The following LRCH2 variants were observed in gnomAD, a reference collection of about 807,000 sequenced individuals.
The protein encoded by LRCH2 is leucine-rich repeat and calponin homology domain-containing protein 2.
Under a neutral mutation model 68.9 loss-of-function variants are expected in LRCH2, and 38 were observed. The ratio of observed to expected loss-of-function variants is 0.55; its 90% CI spans 0.43 to 0.72. LRCH2 has a LOEUF of 0.72. LRCH2 is among the 30% of genes least tolerant of loss of function. The pLI is 0.00. For synonymous variants in LRCH2, 191 were observed against 208.1 expected (o/e 0.92, Z 0.71); for missense variants, 528 against 572.9 (o/e 0.92, Z 0.80).
At chrX:115,228,916 A>C (rs985835200) in intron 1 of LRCH2, among the ~76,000 whole-genome samples, 1 of 111,098 alleles carries the variant, frequency 9.0e-6, no homozygotes, top group Non-Finnish European at 1.9e-5. Context: ...TTTGAATACT[A>C]TTATATATTA....
rs2147335793 is a variant in LRCH2, at chrX:115,112,456, C to A, written c.*760G>T. 8.9e-6 allele frequency: 1 copy of A among 111,786 alleles called. No individual in the cohort carries two copies. Among genetic ancestry groups the A allele is most frequent in the East Asian group, 2.8e-4 (1 of 3,539 alleles). 9.2% of individuals were successfully genotyped at this position (111,786 alleles called of 1,213,427 possible). On this transcript the variant is annotated 3_prime_UTR_variant, in exon 21 of 21. Coordinates refer to ENST00000317135, the MANE Select transcript of LRCH2 (RefSeq NM_020871.4). ...CATGAAATAACCAATTTAAGGGAAA[C>A]TGCAATGGACTAACTAAAAAACCAC...
chrX:115,126,777 C>T, intron 16 of LRCH2, 66 bp downstream of exon 16: 2 of 833,218 alleles, frequency 2.4e-6, no homozygotes, highest in Non-Finnish European at 3.3e-6. Flanking sequence ...GCAAGGAAGA[C>T]TCTTATGTAA....
At chrX:115,113,643 T>C (rs1014595191) in intron 20 of LRCH2, among the ~76,000 whole-genome samples, 24 of 111,573 alleles carry the variant, frequency 2.2e-4, no homozygotes, top group African/African-American at 7.8e-4. Context: ...ACTCAACCAC[T>C]GCTATCTTAC....
intron 1 of LRCH2, chrX:115,190,567 G>A (rs1556557458): frequency 1.5e-5 from 17 of 1,165,118 alleles, no homozygotes; most frequent in East Asian, 3.3e-5. Context: ...TTCCAGTAAC[G>A]GTTACAGCCG....
At chrX:115,177,528 C>T (rs374231275) in intron 5 of LRCH2, among the ~76,000 whole-genome samples, 11 of 111,963 alleles carry the variant, frequency 9.8e-5, no homozygotes, top group African/African-American at 3.6e-4. Context: ...TTTCAGTATG[C>T]GGTCTCGCTC....
chrX:115,139,553 A>G (rs1296966360), intron 14 of LRCH2, among the ~76,000 whole-genome samples: 2 of 111,862 alleles, frequency 1.8e-5, no homozygotes, highest in Non-Finnish European at 1.9e-5. Flanking sequence ...AGGCCTGGGC[A>G]GGCAGATCAC....
chrX:115,219,066 G>T (rs1007764915), intron 1 of LRCH2, among the ~76,000 whole-genome samples: 4 of 111,699 alleles, frequency 3.6e-5, no homozygotes, highest in Non-Finnish European at 7.5e-5. Context: ...CATGAGAAAG[G>T]AAAGTCTAAT....
At chrX:115,170,793 G>A (rs782168928) in intron 5 of LRCH2, among the ~76,000 whole-genome samples, 1 of 111,508 alleles carries the variant, frequency 9.0e-6, no homozygotes, top group South Asian at 3.7e-4. Context: ...GGTAAGAAAA[G>A]AACAAATAAT....
intron 1 of LRCH2, chrX:115,191,635 C>A: frequency 8.6e-7 from 1 of 1,159,742 alleles, no homozygotes; most frequent in Non-Finnish European, 1.2e-6. Context: ...CAGCCGGGGC[C>A]ACGACAGTTC....
intron 20 of LRCH2, among the ~76,000 whole-genome samples, chrX:115,115,084 T>C (rs782465691): frequency 1.8e-4 from 20 of 111,261 alleles, no homozygotes; most frequent in Non-Finnish European, 9.5e-5. Context: ...GAAAGATGTC[T>C]CATGTTAATG....
intron 14 of LRCH2, among the ~76,000 whole-genome samples, chrX:115,135,125 T>C (rs782531846): frequency 2.9e-5 from 3 of 101,862 alleles, no homozygotes; most frequent in East Asian, 6.1e-4. Context: ...TTTCTTTCTT[T>C]TTTTTTTTTT....
intron 1 of LRCH2, chrX:115,190,949 G>A (rs782581834): frequency 6.0e-6 from 7 of 1,163,737 alleles, no homozygotes; most frequent in East Asian, 3.3e-5. Context: ...TGGAGCGACC[G>A]CTACGGAGTA....
At chrX:115,133,025 A>C (rs933917706) in intron 14 of LRCH2, among the ~76,000 whole-genome samples, 1 of 111,901 alleles carries the variant, frequency 8.9e-6, no homozygotes, top group African/African-American at 3.2e-5. Flanking sequence ...AAATTGAAGA[A>C]GACAAAAAAC....
At chrX:115,226,032 A>C (rs1351706198) in intron 1 of LRCH2, among the ~76,000 whole-genome samples, 2 of 112,105 alleles carry the variant, frequency 1.8e-5, no homozygotes, top group Admixed American at 1.9e-4. Context: ...CATACTATAC[A>C]ACCCAGCAAT....
chrX:115,222,589 A>G (rs912249275), intron 1 of LRCH2, among the ~76,000 whole-genome samples: 9 of 112,635 alleles, frequency 8.0e-5, no homozygotes, highest in African/African-American at 2.6e-4. Flanking sequence ...TTGTATTTCT[A>G]CACACTAGCA....
At chrX:115,164,255 G>T (rs1420686975) in intron 10 of LRCH2, among the ~76,000 whole-genome samples, 2 of 111,317 alleles carry the variant, frequency 1.8e-5, no homozygotes, top group African/African-American at 3.3e-5. Context: ...TCCAAAATAG[G>T]TTCAAATAAG....
At chrX:115,210,229 G>A (rs2072997163) in intron 1 of LRCH2, among the ~76,000 whole-genome samples, 1 of 111,609 alleles carries the variant, frequency 9.0e-6, no homozygotes, top group South Asian at 3.8e-4. Flanking sequence ...TCCCATCACA[G>A]GACTGAAGGC....
intron 20 of LRCH2, among the ~76,000 whole-genome samples, chrX:115,115,696 G>C (rs1319880650): frequency 9.1e-6 from 1 of 110,427 alleles, no homozygotes; most frequent in Admixed American, 9.7e-5. Context: ...GAAAAAATGG[G>C]ATAAACTACA....
intron 1 of LRCH2, among the ~76,000 whole-genome samples, chrX:115,200,374 G>A (rs1320860213): frequency 9.0e-6 from 1 of 110,702 alleles, no homozygotes; most frequent in African/African-American, 3.3e-5. Context: ...AAATAAATCT[G>A]ATAAACCAGT....
Sources: gnomAD v4.1 joint callset for allele counts (sites outside exome capture counted in the v4.1 genomes callset) on GRCh38, gnomAD v4.1.1 for gene constraint, MANE v1.5 for transcripts, NCBI Gene and HGNC (gene_info 2026-07-23, HGNC 2026-07-21) for gene names.